The following TSPAN11 variants were observed in gnomAD, a reference collection of about 807,000 sequenced individuals.
TSPAN11 encodes the protein tetraspanin-11.
TSPAN11 carries 29 observed loss-of-function variants against 32.9 expected under a neutral mutation model. The ratio of observed to expected loss-of-function variants is 0.88; its 90% CI spans 0.66 to 1.20. The LOEUF (loss-of-function observed/expected upper bound fraction) is 1.20. Among genes scored for constraint, TSPAN11 ranks in the 50% most tolerant of loss-of-function variants. TSPAN11 has a pLI of 0.00. For missense variants in TSPAN11, 283 were observed against 329.1 expected, an observed-to-expected ratio of 0.86 and a Z score of 1.08; for synonymous variants, 140 against 141.3, an observed-to-expected ratio of 0.99 and a Z score of 0.07.
intron 3 of TSPAN11, among the ~76,000 whole-genome samples, chr12:30,967,672 TCGTGCACACA>T (rs1315984563): frequency 1.9e-4 from 24 of 124,386 alleles, no homozygotes; most frequent in Non-Finnish European, 3.2e-4. Flanking sequence ...GCACACACAT[TCGTGCACACA>T]CATGCATATG....
intron 1 of TSPAN11, among the ~76,000 whole-genome samples, chr12:30,943,392 A>G (rs942979498): frequency 6.6e-6 from 1 of 152,226 alleles, no homozygotes; most frequent in Non-Finnish European, 1.5e-5. Flanking sequence ...CTCTATAAAA[A>G]GGGATGATGA....
At chr12:30,982,415 A>C in intron 5 of TSPAN11, 117 bp from the exon 6 acceptor site, 4 of 1,381,574 alleles carry the variant, frequency 2.9e-6, no homozygotes, top group Non-Finnish European at 3.9e-6. Flanking sequence ...AATACTAACT[A>C]ACCATGGTTC....
rs1229399509 is a variant in TSPAN11 at position 30,983,063 on chromosome 12, G to A, written c.616-1G>A. The stretch of plus-strand genomic sequence containing the variant: ...CCGCATCACCTGCCCTTCTCTTACA[G>A]GGAGGCTGCCTCACCAAGCTGGAGC... On this transcript the variant is annotated splice_acceptor_variant, in intron 6 of 7. Coordinates refer to ENST00000546076, the MANE Select transcript of TSPAN11 (RefSeq NM_001370302.1). LOFTEE classifies it high-confidence loss of function. 7 of 1,612,366 alleles carry A rather than the reference G, an allele frequency of 4.3e-6. No homozygotes were observed. The highest frequency in any genetic ancestry group is 5.9e-6 in the Non-Finnish European group (7 of 1,179,906).
chr12:30,949,884 C>G (rs1173667721), intron 1 of TSPAN11, among the ~76,000 whole-genome samples: 3 of 152,166 alleles, frequency 2.0e-5, no homozygotes, highest in Non-Finnish European at 4.4e-5. Context: ...CCTGTCTTCC[C>G]TGGCTTCCAG....
chr12:31,008,745 A>G, the TSPAN11 span, among the ~76,000 whole-genome samples: 2 of 152,202 alleles, frequency 1.3e-5, no homozygotes, highest in African/African-American at 4.8e-5. Context: ...CCATAAAACA[A>G]GTTTTCGTCA....
intron 1 of TSPAN11, among the ~76,000 whole-genome samples, chr12:30,930,207 A>G (rs151169448): frequency 5.3e-5 from 8 of 152,298 alleles, no homozygotes; most frequent in Admixed American, 6.5e-5. Context: ...GGCAGCAAAT[A>G]TACACTGTAC....
At chr12:31,014,022 AAATAT>A in the TSPAN11 span, among the ~76,000 whole-genome samples, 1 of 152,234 alleles carries the variant, frequency 6.6e-6, no homozygotes, top group African/African-American at 2.4e-5. Context: ...GGATTAAATA[AAATAT>A]ATCACTAATT....
intron 5 of TSPAN11, 37 bp downstream of exon 5, chr12:30,979,707 C>G: frequency 2.5e-6 from 4 of 1,597,892 alleles, no homozygotes; most frequent in Non-Finnish European, 3.4e-6. Flanking sequence ...AGGCCAAGCC[C>G]ACAAGGATTC....
Position 30,995,453 on chromosome 12 carries a change from G to C in TSPAN11, c.*3538G>C, listed in dbSNP as rs1210385618. The C allele has an allele frequency of 6.6e-6, 1 of 152,390 alleles. No individual in the cohort carries two copies. The highest frequency in any genetic ancestry group is 2.4e-5 in the African/African-American group (1 of 41,466). 9.4% of individuals were successfully genotyped at this position (152,390 alleles called of 1,614,324 possible). A position where few individuals can be genotyped will look rare whatever the true frequency, so the allele number is the denominator to read the frequency against. On this transcript the variant is annotated 3_prime_UTR_variant, in exon 8 of 8. Coordinates refer to ENST00000546076, the MANE Select transcript of TSPAN11 (RefSeq NM_001370302.1). ...AGGGAGCTTGTGCTGTGCATGGCCA[G>C]AGGTGTTTACATCCAGAAGGGCCCA...
chr12:30,974,572 A>G (rs1388369430), intron 3 of TSPAN11, among the ~76,000 whole-genome samples: 1 of 152,192 alleles, frequency 6.6e-6, no homozygotes, highest in African/African-American at 2.4e-5. Context: ...GGTGTACTTT[A>G]TTAGAAAGTG....
rs1939333409 is a variant in TSPAN11, at chr12:30,992,343, C to T, written c.*428C>T. The T allele has an allele frequency of 4.6e-6, 1 of 219,550 alleles. No homozygotes were observed. The highest frequency in any genetic ancestry group is 8.7e-5 in the South Asian group (1 of 11,560). 13.6% of individuals were successfully genotyped at this position (219,550 alleles called of 1,614,324 possible). ...CCCCACCCATGCCCAGAAGCCCTGACCTTGCTGTTTCTGGAAAAAGCATGG... is the reference window on the plus strand; with the variant it reads ...CCCCACCCATGCCCAGAAGCCCTGATCTTGCTGTTTCTGGAAAAAGCATGG... On this transcript the variant is annotated 3_prime_UTR_variant, in exon 8 of 8. Coordinates refer to ENST00000546076, the MANE Select transcript of TSPAN11 (RefSeq NM_001370302.1).
Position 30,992,287 on chromosome 12 carries a change from C to T in TSPAN11, c.*372C>T. Reference sequence around the variant, plus strand: ...GAACAATCGGCAGAAAACCCAGGAACCCCGGCACTCCTGCATTCAGCACGG... The same window carrying T: ...GAACAATCGGCAGAAAACCCAGGAATCCCGGCACTCCTGCATTCAGCACGG... On this transcript the variant is annotated 3_prime_UTR_variant, in exon 8 of 8. Coordinates refer to ENST00000546076, the MANE Select transcript of TSPAN11 (RefSeq NM_001370302.1). The T allele has an allele frequency of 3.2e-6, 1 of 312,354 alleles. No homozygotes were observed. Among genetic ancestry groups the T allele is most frequent in the African/African-American group, 2.1e-5 (1 of 47,972 alleles). The allele number at this position is 312,354 out of a possible 1,614,324, so 19.3% of individuals were successfully genotyped here.
intron 1 of TSPAN11, among the ~76,000 whole-genome samples, chr12:30,947,802 C>T (rs12303074): frequency 0.053 from 8,090 of 152,156 alleles, 469 homozygotes; most frequent in East Asian, 0.14. Flanking sequence ...CCTCACATTT[C>T]GAAACCAATC....
the TSPAN11 span, among the ~76,000 whole-genome samples, chr12:31,009,663 G>A: frequency 6.6e-6 from 1 of 152,110 alleles, no homozygotes. Context: ...CAGGAGAGGG[G>A]CCATCTGTCC....
At position 30,951,679 on chromosome 12, in the gene TSPAN11, A is replaced by AC. The variant is rs148837719; in HGVS notation, c.-11-2301dup. 6.5e-4 allele frequency among the ~76,000 whole-genome samples: 99 copies of AC among 152,318 alleles called. 1 individual carries two copies. In the East Asian group the frequency reaches 0.017, roughly 26 times the overall value. ...TAAGTGTTCCATAAATACTAGCTACACAGGGAGGTTAAATAACTTGCCCAA... is the reference window on the plus strand; with the variant it reads ...TAAGTGTTCCATAAATACTAGCTACACCAGGGAGGTTAAATAACTTGCCCAA... On this transcript the variant is annotated intron_variant, in intron 1 of 7. Coordinates refer to ENST00000546076, the MANE Select transcript of TSPAN11 (RefSeq NM_001370302.1).
chr12:30,926,827 G>T, intron 1 of TSPAN11, 31 bp downstream of exon 1: 1 of 747,966 alleles, frequency 1.3e-6, no homozygotes, highest in South Asian at 1.8e-5. Flanking sequence ...GAGGAGTGGG[G>T]GCGCCGCGGG....
intron 3 of TSPAN11, among the ~76,000 whole-genome samples, chr12:30,971,979 G>A (rs1314807397): frequency 2.0e-5 from 3 of 152,228 alleles, no homozygotes; most frequent in Non-Finnish European, 2.9e-5. Context: ...AAATAAAATC[G>A]CTTTGCTACA....
intron 1 of TSPAN11, among the ~76,000 whole-genome samples, chr12:30,937,383 C>G (rs149895766): frequency 1.3e-5 from 2 of 151,934 alleles, no homozygotes; most frequent in Admixed American, 1.3e-4. Flanking sequence ...ACTAGTCTTA[C>G]ACAGGACTAA....
At chr12:30,973,218 C>T (rs1479984194) in intron 3 of TSPAN11, among the ~76,000 whole-genome samples, 3 of 152,176 alleles carry the variant, frequency 2.0e-5, no homozygotes, top group Non-Finnish European at 4.4e-5. Context: ...AGCTACTTAG[C>T]GTCTCCAAGC....
Sources: allele counts gnomAD v4.1 joint callset (sites outside exome capture counted in the v4.1 genomes callset), GRCh38; gene constraint gnomAD v4.1.1; transcripts MANE v1.5; gene names NCBI Gene and HGNC (gene_info 2026-07-23, HGNC 2026-07-21).